DCDC1: variants seen among roughly 807,000 people sequenced by gnomAD.
The protein encoded by DCDC1 is doublecortin domain containing 1, also known as doublecortin domain-containing protein 1.
A neutral mutation model predicts 178.3 loss-of-function variants in DCDC1; 200 were observed. The observed-to-expected ratio is 1.12, with a 90% CI of 1.00 to 1.26. The LOEUF is 1.26. Among genes scored for constraint, DCDC1 ranks in the 50% most tolerant of loss-of-function variants. The pLI is 0.00. For synonymous variants in DCDC1, 690 were observed against 604.8 expected, an observed-to-expected ratio of 1.14 and a Z score of -2.07; for missense variants, 1,983 against 1,749.2, an observed-to-expected ratio of 1.13 and a Z score of -2.38.
At chr11:31,265,043 T>C (rs2137105416) in intron 8 of DCDC1, among the ~76,000 whole-genome samples, 1 of 152,248 alleles carries the variant, frequency 6.6e-6, no homozygotes, top group East Asian at 1.9e-4. Flanking sequence ...GAGTAATGGG[T>C]TACTGGAGTT....
chr11:31,238,360 T>C (rs897009781), intron 9 of DCDC1, among the ~76,000 whole-genome samples: 2 of 152,064 alleles, frequency 1.3e-5, no homozygotes, highest in African/African-American at 4.8e-5. Flanking sequence ...CTATGTGGGA[T>C]GATAAATAAA....
At chr11:31,052,846 G>T (rs558355550) in intron 20 of DCDC1, among the ~76,000 whole-genome samples, 6 of 152,196 alleles carry the variant, frequency 3.9e-5, no homozygotes, top group African/African-American at 1.4e-4. Flanking sequence ...GTGCTAAGAG[G>T]AAAGTTCATA....
At chr11:31,135,295 TTCTC>T (rs1287338582) in intron 10 of DCDC1, among the ~76,000 whole-genome samples, 3 of 152,194 alleles carry the variant, frequency 2.0e-5, no homozygotes, top group Admixed American at 6.5e-5. Flanking sequence ...AGGATTTCCT[TTCTC>T]TGTATGTTGA....
intron 31 of DCDC1, 132 bp downstream of exon 31, chr11:30,904,829 A>T: frequency 2.0e-6 from 2 of 985,446 alleles, no homozygotes; most frequent in Non-Finnish European, 3.0e-6. Context: ...AGAGATCTTC[A>T]TCTCATCAGC....
intron 38 of DCDC1, among the ~76,000 whole-genome samples, chr11:30,867,679 T>G (rs902543747): frequency 6.6e-6 from 1 of 152,194 alleles, no homozygotes; most frequent in African/African-American, 2.4e-5. Context: ...CTCCCTCTGT[T>G]GCTCTGGTGA....
At chr11:30,932,324 T>C (rs536331200) in intron 21 of DCDC1, among the ~76,000 whole-genome samples, 112 of 152,236 alleles carry the variant, frequency 7.4e-4, no homozygotes, top group Non-Finnish European at 1.4e-3. Flanking sequence ...CCTGAAATAA[T>C]ACCACCTTAA....
intron 38 of DCDC1, among the ~76,000 whole-genome samples, chr11:30,869,946 CAAAG>C (rs1239242691): frequency 6.6e-6 from 1 of 151,928 alleles, no homozygotes; most frequent in African/African-American, 2.4e-5. Context: ...ACAACTTTGA[CAAAG>C]AATTCGATAG....
chr11:31,024,077 C>T (rs1382877368), intron 20 of DCDC1, among the ~76,000 whole-genome samples: 1 of 151,914 alleles, frequency 6.6e-6, no homozygotes. Context: ...TGATTAGGAA[C>T]ATTCACTGAA....
chr11:31,168,923 A>G (rs998624286), intron 9 of DCDC1, among the ~76,000 whole-genome samples: 3 of 152,176 alleles, frequency 2.0e-5, no homozygotes, highest in African/African-American at 7.2e-5. Context: ...AATAAGATTG[A>G]GTATTAAAAG....
At chr11:31,306,975 T>C (rs1306042440) in intron 4 of DCDC1, among the ~76,000 whole-genome samples, 2 of 152,168 alleles carry the variant, frequency 1.3e-5, no homozygotes, top group Admixed American at 6.6e-5. Flanking sequence ...CTAATTTTGA[T>C]ATTTATGATT....
chr11:31,219,977 C>T (rs1974057883), intron 9 of DCDC1, among the ~76,000 whole-genome samples: 1 of 152,044 alleles, frequency 6.6e-6, no homozygotes, highest in Non-Finnish European at 1.5e-5. Flanking sequence ...TGACTCCAGC[C>T]CCCACACCTG....
In DCDC1 at chr11:31,250,428, ATGT is replaced by A. The variant is rs1565496598; in HGVS notation, c.1055-8815_1055-8813del. Among the ~76,000 whole-genome samples, 9 of 117,760 alleles carry A rather than the reference ATGT, an allele frequency of 7.6e-5. 1 individual carries two copies. Among genetic ancestry groups the A allele is most frequent in the Admixed American group, 2.6e-4 (3 of 11,456 alleles). 77.3% of individuals were successfully genotyped at this position (117,760 alleles called of 152,430 possible). The stretch of plus-strand genomic sequence containing the variant: ...CACACACACACACATATACATATAT[ATGT>A]ATATATATATATATCCCTGCCTGGG... On this transcript the variant is annotated intron_variant, in intron 8 of 38. Transcript: ENST00000684477.
At chr11:31,030,587 T>G (rs566220239) in intron 20 of DCDC1, among the ~76,000 whole-genome samples, 1 of 152,290 alleles carries the variant, frequency 6.6e-6, no homozygotes, top group South Asian at 2.1e-4. Context: ...CGCGCTTCAC[T>G]TCCCTTTGCC....
intron 36 of DCDC1, among the ~76,000 whole-genome samples, chr11:30,886,127 A>T (rs527546615): frequency 1.3e-5 from 2 of 152,138 alleles, no homozygotes; most frequent in African/African-American, 4.8e-5. Flanking sequence ...AGGAAAAAAA[A>T]ATTATCATTG....
At chr11:31,202,180 T>C (rs1333721731) in intron 9 of DCDC1, among the ~76,000 whole-genome samples, 1 of 152,212 alleles carries the variant, frequency 6.6e-6, no homozygotes, top group Non-Finnish European at 1.5e-5. Context: ...AGGTCTCCAC[T>C]GCAGTCACAA....
chr11:31,051,219 A>G (rs1955226813), intron 20 of DCDC1, among the ~76,000 whole-genome samples: 1 of 152,200 alleles, frequency 6.6e-6, no homozygotes, highest in South Asian at 2.1e-4. Context: ...CAAGTAGAAG[A>G]AAGAAATTCA....
In DCDC1 at chr11:31,327,984, C is replaced by T. The variant is rs557970309; in HGVS notation, c.164+133G>A. Reference sequence around the variant, plus strand: ...ACCTCAAGTGATCCACCTGCCTCGGCCTCCCAAAGTGCTGGGATTACAGGC... The same window carrying T: ...ACCTCAAGTGATCCACCTGCCTCGGTCTCCCAAAGTGCTGGGATTACAGGC... On this transcript the variant is annotated intron_variant, in intron 3 of 38. Coordinates refer to ENST00000684477, the MANE Select transcript of DCDC1 (RefSeq NM_001387274.1). The T allele has an allele frequency of 3.6e-5, 30 of 839,074 alleles. No homozygotes were observed. In the African/African-American group the frequency reaches 4.4e-4, roughly 12 times the overall value. The allele number at this position is 839,074 out of a possible 1,614,324, so 52.0% of individuals were successfully genotyped here.
intron 3 of DCDC1, among the ~76,000 whole-genome samples, chr11:31,308,585 C>G (rs1295376488): frequency 2.0e-5 from 3 of 152,104 alleles, no homozygotes; most frequent in Non-Finnish European, 4.4e-5. Flanking sequence ...GGAACTCCCT[C>G]AGTCTCAGAT....
At chr11:30,904,937 A>G (rs1419701779) in intron 31 of DCDC1, 24 bp downstream of exon 31, 14 of 1,612,120 alleles carry the variant, frequency 8.7e-6, no homozygotes, top group Non-Finnish European at 1.0e-5. Flanking sequence ...AGATGCAAGC[A>G]GCATTTAAGT....
Sources: gnomAD v4.1 joint callset for allele counts (sites outside exome capture counted in the v4.1 genomes callset) on GRCh38, gnomAD v4.1.1 for gene constraint, MANE v1.5 for transcripts, NCBI Gene and HGNC (gene_info 2026-07-23, HGNC 2026-07-21) for gene names.